CEP162: variants seen among roughly 807,000 people sequenced by gnomAD.
The protein encoded by CEP162 is centrosomal protein 162.
Under a neutral mutation model 169.2 loss-of-function variants are expected in CEP162, and 141 were observed. That is an observed-to-expected ratio of 0.83 (90% confidence interval 0.73 to 0.96). The LOEUF is 0.96. Among genes scored for constraint, CEP162 ranks in the 40% least tolerant of loss-of-function variants. The probability of loss-of-function intolerance (pLI) is 0.00; values close to 1 mark genes in which losing one functional copy is unlikely to be tolerated. For missense variants in CEP162, 1,600 were observed against 1,587.2 expected (o/e 1.01, Z -0.14); for synonymous variants, 540 against 526.4 (o/e 1.03, Z -0.35).
intron 3 of CEP162, among the ~76,000 whole-genome samples, chr6:84,216,453 T>G (rs1332081470): frequency 6.6e-6 from 1 of 152,202 alleles, no homozygotes; most frequent in South Asian, 2.1e-4. Flanking sequence ...AAAGTCATTA[T>G]TTCTAAAACA....
chr6:84,214,403 A>G (rs1041089944), intron 5 of CEP162, among the ~76,000 whole-genome samples: 2 of 152,222 alleles, frequency 1.3e-5, no homozygotes, highest in African/African-American at 4.8e-5. Flanking sequence ...ATGGGGAACC[A>G]ATGCGAACAA....
chr6:84,146,881 A>G, intron 24 of CEP162, 96 bp from the exon 25 acceptor site: 1 of 551,472 alleles, frequency 1.8e-6, no homozygotes, highest in Non-Finnish European at 3.1e-6. Context: ...GAACTCTTAT[A>G]TACTGTTGGT....
chr6:84,134,578 G>A (rs991624472), intron 25 of CEP162, among the ~76,000 whole-genome samples: 16 of 151,956 alleles, frequency 1.1e-4, no homozygotes, highest in Admixed American at 2.6e-4. Context: ...AGTCCCTCAC[G>A]GCTTCCCTTG....
chr6:84,135,526 C>T (rs555766732), intron 25 of CEP162, among the ~76,000 whole-genome samples: 34 of 152,292 alleles, frequency 2.2e-4, no homozygotes, highest in South Asian at 4.2e-4. Flanking sequence ...CTACACATCT[C>T]AATTTAAACT....
chr6:84,170,064 G>A (rs1022722051), intron 17 of CEP162, among the ~76,000 whole-genome samples: 2 of 151,984 alleles, frequency 1.3e-5, no homozygotes, highest in Non-Finnish European at 2.9e-5. Flanking sequence ...TAACTTTACT[G>A]AAACATCTGG....
intron 13 of CEP162, among the ~76,000 whole-genome samples, chr6:84,178,158 C>A (rs2099533149): frequency 6.6e-6 from 1 of 151,596 alleles, no homozygotes; most frequent in South Asian, 2.1e-4. Context: ...ATCAAATAAA[C>A]TGTAAAAAGT....
chr6:84,153,862 T>C (rs1215538453), intron 22 of CEP162, among the ~76,000 whole-genome samples: 3 of 152,040 alleles, frequency 2.0e-5, no homozygotes. Flanking sequence ...AGCTACAACG[T>C]CCCACAAGTA....
intron 18 of CEP162, among the ~76,000 whole-genome samples, chr6:84,165,958 C>T (rs2099527644): frequency 6.6e-6 from 1 of 152,132 alleles, no homozygotes; most frequent in African/African-American, 2.4e-5. Context: ...AAACCTGTTG[C>T]TTAATTAGTT....
intron 25 of CEP162, among the ~76,000 whole-genome samples, chr6:84,128,447 G>T (rs1398812260): frequency 6.6e-6 from 1 of 152,084 alleles, no homozygotes; most frequent in African/African-American, 2.4e-5. Context: ...AACAATAGGG[G>T]ATTTGTGAAA....
At chr6:84,133,044 T>A (rs566528652) in intron 25 of CEP162, among the ~76,000 whole-genome samples, 1 of 152,278 alleles carries the variant, frequency 6.6e-6, no homozygotes, top group East Asian at 1.9e-4. Flanking sequence ...TTTTGGTGTG[T>A]ATGTCCTTTA....
intron 2 of CEP162, among the ~76,000 whole-genome samples, chr6:84,224,865 T>C (rs2099555104): frequency 6.6e-6 from 1 of 152,190 alleles, no homozygotes; most frequent in Non-Finnish European, 1.5e-5. Flanking sequence ...ATAAAAATCA[T>C]TCCTATAAAT....
chr6:84,130,024 T>A lies in CEP162; in HGVS notation c.3871-3512A>T, dbSNP rs1285212023. ...TTTGTCATAAATAGCTATTATTTTG[T>A]GATACGTTCCATCAATACCTAGTTT... On this transcript the variant is annotated intron_variant, in intron 25 of 26. Transcript: ENST00000403245. Among the ~76,000 whole-genome samples the A allele has an allele frequency of 7.9e-5, 12 of 152,282 alleles. No individual in the cohort carries two copies. The East Asian group carries it at 2.3e-3, about 29-fold the overall frequency.
intron 20 of CEP162, 33 bp downstream of exon 20, chr6:84,161,713 T>G: frequency 7.0e-7 from 1 of 1,438,686 alleles, no homozygotes; most frequent in Non-Finnish European, 9.5e-7. Context: ...AGGATTCATC[T>G]AGAGAAGAAA....
chr6:84,136,952 A>G (rs1195505530), intron 25 of CEP162, among the ~76,000 whole-genome samples: 1 of 152,222 alleles, frequency 6.6e-6, no homozygotes, highest in East Asian at 1.9e-4. Flanking sequence ...GAAATACTTC[A>G]TAGGAAGACA....
intron 18 of CEP162, among the ~76,000 whole-genome samples, chr6:84,164,922 C>T (rs1454104649): frequency 1.3e-5 from 2 of 152,080 alleles, no homozygotes; most frequent in African/African-American, 4.8e-5. Context: ...GCAGGGTTAA[C>T]CCAAAGTCCT....
intron 3 of CEP162, among the ~76,000 whole-genome samples, chr6:84,220,798 T>C (rs892229361): frequency 4.6e-5 from 7 of 152,180 alleles, no homozygotes; most frequent in Non-Finnish European, 1.0e-4. Flanking sequence ...ATAATAAATA[T>C]ACCTGAATTG....
Position 84,193,687 on chromosome 6 carries a change from A to G in CEP162, c.1031T>C (p.Leu344Pro), listed in dbSNP as rs1428174806. The G allele has an allele frequency of 6.4e-7, 1 of 1,551,646 alleles. No homozygotes were observed. Among genetic ancestry groups the G allele is most frequent in the Non-Finnish European group, 8.7e-7 (1 of 1,147,654 alleles). The change falls in exon 11 of 27, where the codon CTG becomes CCG. Residue 344 changes from leucine to proline, a missense_variant. Coordinates refer to ENST00000403245, the MANE Select transcript of CEP162 (RefSeq NM_014895.4). ...TTTCATCAGCTCCTCTACTGTGGGC[A>G]GATCTAAGAGGTGGAAAAAAAAGTA... is the stretch of plus-strand genomic sequence containing the variant. Reference protein sequence around the residue: ...SKNISTMESDLPTVEELMKPI... With the variant: ...SKNISTMESDPPTVEELMKPI...
rs1369852964 is a variant in CEP162 at position 84,134,953 on chromosome 6, CACATAT to C, written c.3871-8447_3871-8442del. Among the ~76,000 whole-genome samples, 4 of 129,546 alleles carry C rather than the reference CACATAT, an allele frequency of 3.1e-5. No homozygotes were observed. The East Asian group carries it at 8.0e-4, about 26-fold the overall frequency. The allele number at this position is 129,546 out of a possible 152,430, so 85.0% of individuals were successfully genotyped here. On this transcript the variant is annotated intron_variant, in intron 25 of 26. Transcript: ENST00000403245. ...ACACACACACACACACACACACACACACATATATAGTGTTAGGTTAAAAATGCTTTG... is the reference window on the plus strand; with the variant it reads ...ACACACACACACACACACACACACACATAGTGTTAGGTTAAAAATGCTTTG...
In CEP162 at chr6:84,161,813, T is replaced by C; in HGVS notation, c.2609A>G (p.Glu870Gly). 6.2e-7 allele frequency: 1 copy of C among 1,602,218 alleles called. No homozygotes were observed. Among genetic ancestry groups the C allele is most frequent in the Non-Finnish European group, 8.5e-7 (1 of 1,173,268 alleles). ...CCGAAGTGCATCTTTATCCAGAAGT[T>C]CCTGATTTTCAGCATACCACTGTAA... The part of the protein sequence containing the change: ...KRLQWYAENQ[E>G]LLDKDALRLR... The change falls in exon 20 of 27, where the codon GAA becomes GGA. Residue 870 changes from glutamate (E) to glycine (G), a missense_variant. By Grantham distance (98) the Glu-to-Gly change is moderately conservative. Transcript: ENST00000403245.
Sources: allele counts gnomAD v4.1 joint callset (sites outside exome capture counted in the v4.1 genomes callset), GRCh38; gene constraint gnomAD v4.1.1; transcripts MANE v1.5; gene names NCBI Gene and HGNC (gene_info 2026-07-23, HGNC 2026-07-21).